CFAP20DC: variants seen among roughly 807,000 people sequenced by gnomAD.
CFAP20DC encodes protein CFAP20DC.
In CFAP20DC, 84 loss-of-function variants were observed where a neutral mutation model predicts 101.7. That is an observed-to-expected ratio of 0.83 (90% confidence interval 0.69 to 0.99). The LOEUF (loss-of-function observed/expected upper bound fraction) is 0.99. CFAP20DC is among the 50% of genes least tolerant of loss of function. The probability of loss-of-function intolerance (pLI) is 0.00; values close to 1 mark genes in which losing one functional copy is unlikely to be tolerated. For missense variants in CFAP20DC, 1,007 were observed against 970.3 expected (o/e 1.04, Z -0.50); for synonymous variants, 359 against 351.2 (o/e 1.02, Z -0.25).
intron 5 of CFAP20DC, among the ~76,000 whole-genome samples, chr3:58,928,146 T>G (rs1039551096): frequency 6.6e-6 from 1 of 152,188 alleles, no homozygotes; most frequent in African/African-American, 2.4e-5. Flanking sequence ...CATGCACTAA[T>G]AGGGACTGGA....
At chr3:58,849,620 C>G in intron 12 of CFAP20DC, among the ~76,000 whole-genome samples, 1 of 152,170 alleles carries the variant, frequency 6.6e-6, no homozygotes, top group East Asian at 1.9e-4. Context: ...TCCTGCTATA[C>G]GGTATTTGGT....
chr3:58,783,431 A>G (rs1321404249), intron 15 of CFAP20DC, among the ~76,000 whole-genome samples: 2 of 152,044 alleles, frequency 1.3e-5, no homozygotes, highest in Non-Finnish European at 2.9e-5. Context: ...AAATAGGACT[A>G]TATTAAATAA....
At chr3:58,735,201 T>C (rs2067724002) in intron 3 of CFAP20DC, among the ~76,000 whole-genome samples, 1 of 152,230 alleles carries the variant, frequency 6.6e-6, no homozygotes, top group African/African-American at 2.4e-5. Flanking sequence ...GGTCACTTAA[T>C]AAACCTTTCT....
chr3:58,931,381 G>A (rs2086655397), intron 5 of CFAP20DC, among the ~76,000 whole-genome samples: 1 of 152,214 alleles, frequency 6.6e-6, no homozygotes, highest in South Asian at 2.1e-4. Flanking sequence ...AACCTCTGCA[G>A]ACTTAAATGT....
At chr3:59,017,860 G>A (rs373985751) in intron 4 of CFAP20DC, 5 of 152,074 alleles carry the variant, frequency 3.3e-5, no homozygotes, top group Admixed American at 6.6e-5. Context: ...CAATTTCTTT[G>A]TTTCTCCCTT....
Position 58,767,325 on chromosome 3 carries a change from C to G in CFAP20DC, c.2238-13462G>C, listed in dbSNP as rs530273124. ...CACACAGGTCAGGGACACACACCTGCTTCTTTATAGCCAAGAAAGAAAAAT... is the reference window on the plus strand; with the variant it reads ...CACACAGGTCAGGGACACACACCTGGTTCTTTATAGCCAAGAAAGAAAAAT... On this transcript the variant is annotated intron_variant, in intron 15 of 16. Coordinates refer to ENST00000482387, the MANE Select transcript of CFAP20DC (RefSeq NM_001394063.1). 6.6e-5 allele frequency among the ~76,000 whole-genome samples: 10 copies of G among 152,256 alleles called. No individual in the cohort carries two copies. The South Asian group carries it at 1.9e-3, about 28-fold the overall frequency.
Position 58,993,686 on chromosome 3 carries a change from G to A in CFAP20DC, c.278+45871C>T, listed in dbSNP as rs530475350. On this transcript the variant is annotated intron_variant, in intron 4 of 16. Transcript: ENST00000482387. ...CACTTATAAGTGAGAATGTGTATTT[G>A]GTTTTCTGTTCCTGCATTAGTTTGC... Among the ~76,000 whole-genome samples the A allele has an allele frequency of 2.6e-5, 4 of 152,160 alleles. No individual in the cohort carries two copies. The South Asian group carries it at 8.3e-4, about 32-fold the overall frequency.
At chr3:58,856,396 G>T (rs2078830252) in intron 12 of CFAP20DC, among the ~76,000 whole-genome samples, 1 of 152,044 alleles carries the variant, frequency 6.6e-6, no homozygotes, top group Admixed American at 6.6e-5. Flanking sequence ...GCCAATCTGT[G>T]GGCCGTTACT....
In CFAP20DC at chr3:59,006,883, C is replaced by T. The variant is rs1576681072; in HGVS notation, c.278+32674G>A. ...ACACAGGAGCTGCTGACATTGTAGG[C>T]AGACTGGGAGGCAAGGCCTGAAAGC... On this transcript the variant is annotated intron_variant, in intron 4 of 16. Coordinates refer to ENST00000482387, the MANE Select transcript of CFAP20DC (RefSeq NM_001394063.1). This position sits in a 1 kb window ranked among gnomAD's most constrained non-coding sequence, Gnocchi z 4.3. 1.3e-5 allele frequency among the ~76,000 whole-genome samples: 2 copies of T among 152,290 alleles called. No individual in the cohort carries two copies. Among genetic ancestry groups the T allele is most frequent in the African/African-American group, 4.8e-5 (2 of 41,560 alleles).
rs9840333 is a variant in CFAP20DC at position 58,721,239 on chromosome 3, T to C, written c.198-3611A>G. ...GAGGTACTCAATCACTATATAAATA[T>C]GTTCCAACACGTTTATTAAACACCT... On this transcript the variant is annotated intron_variant, in intron 3 of 3. Transcript: ENST00000486145. The surrounding 1 kb of genome is among the most constrained non-coding windows in gnomAD (Gnocchi z 5.2). Among the ~76,000 whole-genome samples the C allele has an allele frequency of 0.37, 56,326 of 152,030 alleles. 11,739 individuals are homozygous for C. Among genetic ancestry groups the C allele is most frequent in the East Asian group, 0.6 (3,087 of 5,142 alleles).
chr3:58,879,440 G>C (rs975217686), intron 7 of CFAP20DC, among the ~76,000 whole-genome samples: 6 of 152,150 alleles, frequency 3.9e-5, no homozygotes, highest in African/African-American at 1.2e-4. Flanking sequence ...ACTACTAAAT[G>C]GTAGTTCGGA....
chr3:58,877,696 G>C (rs1448892982), intron 7 of CFAP20DC, among the ~76,000 whole-genome samples: 1 of 152,146 alleles, frequency 6.6e-6, no homozygotes, highest in Non-Finnish European at 1.5e-5. Flanking sequence ...ATTGAAGCAG[G>C]TTCTTCCCAT....
intron 6 of CFAP20DC, among the ~76,000 whole-genome samples, chr3:58,885,361 A>C (rs1328715735): frequency 6.6e-6 from 1 of 152,018 alleles, no homozygotes; most frequent in Non-Finnish European, 1.5e-5. Flanking sequence ...TTGCTTTTTA[A>C]TTGACAAATA....
intron 4 of CFAP20DC, among the ~76,000 whole-genome samples, chr3:58,951,814 G>A (rs1165282474): frequency 2.6e-5 from 4 of 152,046 alleles, no homozygotes; most frequent in African/African-American, 4.8e-5. Flanking sequence ...GTTAAATGAC[G>A]AGTTACTGGG....
In CFAP20DC at chr3:58,912,946, T is replaced by C. The variant is rs1227616518; in HGVS notation, c.550+762A>G. On this transcript the variant is annotated intron_variant, in intron 6 of 16. Coordinates refer to ENST00000482387, the MANE Select transcript of CFAP20DC (RefSeq NM_001394063.1). This position sits in a 1 kb window ranked among gnomAD's most constrained non-coding sequence, Gnocchi z 4.4. ...CAGAGATTTTTGAATGCCCAACATCTTTTGCACACCCTTCCTAATTTGATG... is the reference window on the plus strand; with the variant it reads ...CAGAGATTTTTGAATGCCCAACATCCTTTGCACACCCTTCCTAATTTGATG... Among the ~76,000 whole-genome samples, 1 of 152,020 alleles carries C rather than the reference T, an allele frequency of 6.6e-6. No homozygotes were observed. Among genetic ancestry groups the C allele is most frequent in the Non-Finnish European group, 1.5e-5 (1 of 67,982 alleles).
intron 12 of CFAP20DC, among the ~76,000 whole-genome samples, chr3:58,860,501 G>C (rs2079162708): frequency 6.6e-6 from 1 of 152,098 alleles, no homozygotes; most frequent in Non-Finnish European, 1.5e-5. Context: ...GTCCAAATAT[G>C]AATAAATTCG....
At chr3:58,767,254 T>G (rs1260679636) in intron 15 of CFAP20DC, among the ~76,000 whole-genome samples, 1 of 152,218 alleles carries the variant, frequency 6.6e-6, no homozygotes, top group East Asian at 1.9e-4. Flanking sequence ...CTTTCTCCCC[T>G]TGCTAAAAGC....
chr3:58,960,056 C>A (rs2090999206), intron 4 of CFAP20DC, among the ~76,000 whole-genome samples: 1 of 152,146 alleles, frequency 6.6e-6, no homozygotes, highest in South Asian at 2.1e-4. Flanking sequence ...ATGGAGTTGG[C>A]ATAAAGTTGT....
intron 4 of CFAP20DC, among the ~76,000 whole-genome samples, chr3:59,023,765 T>C (rs1386561111): frequency 6.6e-6 from 1 of 152,080 alleles, no homozygotes; most frequent in African/African-American, 2.4e-5. Context: ...AAACAAATGT[T>C]AGAGTACCTC....
Sources: allele counts gnomAD v4.1 joint callset (sites outside exome capture counted in the v4.1 genomes callset), GRCh38; gene constraint gnomAD v4.1.1; non-coding constraint Gnocchi (gnomAD v3.1); transcripts MANE v1.5; gene names NCBI Gene and HGNC (gene_info 2026-07-23, HGNC 2026-07-21).